The following TTC21B variants were observed in gnomAD, a reference collection of about 807,000 sequenced individuals.
TTC21B encodes the protein tetratricopeptide repeat domain 21B.
Under a neutral mutation model 175.1 loss-of-function variants are expected in TTC21B, and 127 were observed. The ratio of observed to expected loss-of-function variants is 0.73; its 90% CI spans 0.63 to 0.84. The LOEUF is 0.84. TTC21B is among the 40% of genes least tolerant of loss of function. TTC21B has a pLI of 0.00. For missense variants in TTC21B, 1,561 were observed against 1,558.3 expected (o/e 1.00, Z -0.03); for synonymous variants, 524 against 524.5 (o/e 1.00, Z 0.01).
chr2:165,924,509 T>A (rs373489727), intron 12 of TTC21B, 40 bp downstream of exon 12: 2 of 1,593,488 alleles, frequency 1.3e-6, no homozygotes, highest in Non-Finnish European at 8.6e-7. Flanking sequence ...TTTATCAACA[T>A]CAGAATAAAA....
At chr2:165,914,698 T>TACGTGCGCGCGCGCGCGTGTGTGTGTGTG (rs71031214) in intron 15 of TTC21B, among the ~76,000 whole-genome samples, 2 of 132,372 alleles carry the variant, frequency 1.5e-5, no homozygotes, top group South Asian at 2.3e-4. Context: ...TGTGTGTGTG[T>TACGTGCGCGCGCGCGCGTGTGTGTGTGTG]TGTGTATCCC....
intron 19 of TTC21B, among the ~76,000 whole-genome samples, chr2:165,906,080 A>G (rs1559050624): frequency 1.3e-5 from 2 of 152,054 alleles, no homozygotes; most frequent in African/African-American, 4.8e-5. Flanking sequence ...CTTTTAAATA[A>G]CCCACCGGTC....
At chr2:165,945,190 T>C (rs1687505647) in intron 4 of TTC21B, among the ~76,000 whole-genome samples, 1 of 152,080 alleles carries the variant, frequency 6.6e-6, no homozygotes, top group African/African-American at 2.4e-5. Context: ...ACCTTGTATC[T>C]AGAGCTGTTC....
rs71031215 is a variant in TTC21B at position 165,922,566 on chromosome 2, C to CAAAAAAAAAAAAAAAA, written c.1516+1967_1516+1982dup. ...GCCGGAATAGCCACTATTAAAAAGT[C>CAAAAAAAAAAAAAAAA]AAAAAAAAAAAAAAAAAAAAGACGT... On this transcript the variant is annotated intron_variant, in intron 12 of 28. Transcript: ENST00000243344. 1.0e-4 allele frequency among the ~76,000 whole-genome samples: 10 copies of CAAAAAAAAAAAAAAAA among 97,426 alleles called. 3 individuals carry two copies. The highest frequency in any genetic ancestry group is 1.4e-4 in the Non-Finnish European group (7 of 49,142). 63.9% of individuals were successfully genotyped at this position (97,426 alleles called of 152,430 possible).
chr2:165,927,431 C>T (rs913959025), intron 11 of TTC21B, among the ~76,000 whole-genome samples: 6 of 143,632 alleles, frequency 4.2e-5, no homozygotes, highest in Non-Finnish European at 9.0e-5. Flanking sequence ...CTATCCTGAC[C>T]ACTGTATCTA....
At position 165,883,914 on chromosome 2, in the gene TTC21B, C is replaced by A. The variant is rs969480978; in HGVS notation, c.3564G>T (p.Trp1188Cys). The A allele has an allele frequency of 1.2e-6, 2 of 1,614,130 alleles. No homozygotes were observed. Among genetic ancestry groups the A allele is most frequent in the Admixed American group, 1.7e-5 (1 of 60,018 alleles). The change falls in exon 26 of 29, where the codon TGG becomes TGT. Residue 1188 changes from tryptophan (W) to cysteine (C), a missense_variant. Physicochemically the swap from Trp to Cys is radical, Grantham distance 215 (BLOSUM62 -2). Coordinates refer to ENST00000243344, the MANE Select transcript of TTC21B (RefSeq NM_024753.5). ...NQLKRIAKMN[W>C]NAIDAEEFEK... ...CAAACTCTTCAGCATCAATAGCATT[C>A]CAATTCATTTTCGCAATACGCTTCA... is the stretch of plus-strand genomic sequence containing the variant.
intron 3 of TTC21B, among the ~76,000 whole-genome samples, chr2:165,946,814 G>C (rs532679790): frequency 6.6e-6 from 1 of 152,110 alleles, no homozygotes; most frequent in African/African-American, 2.4e-5. Context: ...CTCCAGCCTG[G>C]GCAACAGAGG....
At position 165,911,371 on chromosome 2, in the gene TTC21B, T is replaced by TC; in HGVS notation, c.2416dup (p.Asp806GlyfsTer14). On this transcript the variant is annotated frameshift_variant, in exon 18 of 29. Coordinates refer to ENST00000243344, the MANE Select transcript of TTC21B (RefSeq NM_024753.5). LOFTEE classifies it high-confidence loss of function. ...ATGCTGAAGAACTTTTTCTGCTTTGTCATACCATTTCAATTTTAATAAGAG... is the reference window on the plus strand; with the variant it reads ...ATGCTGAAGAACTTTTTCTGCTTTGTCCATACCATTTCAATTTTAATAAGAG... 1 of 1,613,948 alleles carries TC rather than the reference T, an allele frequency of 6.2e-7. No individual in the cohort carries two copies. The highest frequency in any genetic ancestry group is 8.5e-7 in the Non-Finnish European group (1 of 1,179,916).
At chr2:165,884,666 C>T (rs1684947366) in intron 25 of TTC21B, among the ~76,000 whole-genome samples, 1 of 152,176 alleles carries the variant, frequency 6.6e-6, no homozygotes, top group Non-Finnish European at 1.5e-5. Flanking sequence ...CTTCCTAAAA[C>T]AATCTATATG....
chr2:165,945,752 C>T (rs1339928169), intron 3 of TTC21B, 62 bp from the exon 4 acceptor site: 19 of 1,550,664 alleles, frequency 1.2e-5, no homozygotes, highest in Non-Finnish European at 1.6e-5. Flanking sequence ...TATAATAGGT[C>T]AGATAATTAA....
chr2:165,915,359 A>C lies in TTC21B; in HGVS notation c.1980T>G (p.Asn660Lys). The change falls in exon 15 of 29, where the codon AAT becomes AAG. Residue 660 changes from asparagine (N) to lysine (K), a missense_variant. Asn to Lys is a moderately conservative substitution (Grantham distance 94, BLOSUM62 0). Coordinates refer to ENST00000243344, the MANE Select transcript of TTC21B (RefSeq NM_024753.5). ...TSEEVRVTIANADLALAQGDI... is the reference protein window; with the variant it reads ...TSEEVRVTIAKADLALAQGDI... ...CTCCTTGGGCTAGAGCAAGGTCTGCATTAGCAATGGTAACCCGCACTTCTT... is the reference window on the plus strand; with the variant it reads ...CTCCTTGGGCTAGAGCAAGGTCTGCCTTAGCAATGGTAACCCGCACTTCTT... 2 of 1,614,152 alleles carry C rather than the reference A, an allele frequency of 1.2e-6. No homozygotes were observed. The highest frequency in any genetic ancestry group is 1.7e-6 in the Non-Finnish European group (2 of 1,179,986).
chr2:165,901,862 G>T lies in TTC21B; in HGVS notation c.2617C>A (p.Pro873Thr). 1 of 1,613,842 alleles carries T rather than the reference G, an allele frequency of 6.2e-7. No homozygotes were observed. The highest frequency in any genetic ancestry group is 1.1e-5 in the South Asian group (1 of 91,072). ...TGTTTCTGTGCAGGAACTGCATCTGGCTGTTCCATCTGAACACGTTTTAGT... is the reference window on the plus strand; with the variant it reads ...TGTTTCTGTGCAGGAACTGCATCTGTCTGTTCCATCTGAACACGTTTTAGT... Reference protein sequence around the residue: ...RVLKRVQMEQPDAVPAQKHLA... With the variant: ...RVLKRVQMEQTDAVPAQKHLA... The change falls in exon 20 of 29, where the codon CCA (proline) becomes ACA (threonine). Residue 873 changes from proline (P) to threonine (T), a missense_variant. By Grantham distance (38) the Pro-to-Thr change is conservative (BLOSUM62 -1). Transcript: ENST00000243344.
intron 7 of TTC21B, among the ~76,000 whole-genome samples, chr2:165,932,682 T>C (rs1686957522): frequency 1.3e-5 from 2 of 152,082 alleles, no homozygotes; most frequent in South Asian, 4.1e-4. Context: ...ATTAATCATA[T>C]ATATTACTAC....
chr2:165,935,705 C>T (rs1452625756), intron 6 of TTC21B, among the ~76,000 whole-genome samples: 2 of 152,160 alleles, frequency 1.3e-5, no homozygotes, highest in African/African-American at 4.8e-5. Context: ...AACACAATAA[C>T]ATTTACATTA....
intron 6 of TTC21B, chr2:165,934,123 T>G (rs1347834226): frequency 6.6e-6 from 1 of 152,208 alleles, no homozygotes; most frequent in Non-Finnish European, 1.5e-5. Flanking sequence ...TTTGTGGTTG[T>G]TTGCTATACA....
At chr2:165,896,651 T>C (rs372801666) in intron 22 of TTC21B, among the ~76,000 whole-genome samples, 3 of 152,018 alleles carry the variant, frequency 2.0e-5, no homozygotes, top group Non-Finnish European at 4.4e-5. Flanking sequence ...CAAAAGAAAA[T>C]GAGGCAGCAG....
intron 16 of TTC21B, 102 bp from the exon 17 acceptor site, chr2:165,912,726 CATA>C: frequency 2.2e-6 from 2 of 893,974 alleles, no homozygotes; most frequent in South Asian, 2.7e-5. Context: ...TGTAATATTA[CATA>C]AGACTTGGCA....
intron 12 of TTC21B, 106 bp downstream of exon 12, chr2:165,924,443 C>T: frequency 9.2e-7 from 1 of 1,083,198 alleles, no homozygotes; most frequent in Non-Finnish European, 1.3e-6. Context: ...ATAAAATGTA[C>T]ATTTTATGTG....
chr2:165,952,001 G>A (rs749649118), intron 1 of TTC21B, among the ~76,000 whole-genome samples: 3 of 152,144 alleles, frequency 2.0e-5, no homozygotes, highest in Admixed American at 6.6e-5. Flanking sequence ...ACACGTACAC[G>A]CTCTTCCTAT....
Sources: allele counts gnomAD v4.1 joint callset (sites outside exome capture counted in the v4.1 genomes callset), GRCh38; gene constraint gnomAD v4.1.1; transcripts MANE v1.5; gene names NCBI Gene and HGNC (gene_info 2026-07-23, HGNC 2026-07-21).